The following FSHR variants were observed in gnomAD, a reference collection of about 807,000 sequenced individuals.
FSHR encodes follicle-stimulating hormone receptor.
A neutral mutation model predicts 52.1 loss-of-function variants in FSHR; 46 were observed. The observed-to-expected ratio is 0.88, with a 90% confidence interval of 0.70 to 1.13. The LOEUF (loss-of-function observed/expected upper bound fraction) is 1.13. FSHR is among the 50% of genes most tolerant of loss of function. FSHR has a pLI of 0.00. For synonymous variants in FSHR, 399 were observed against 309.6 expected (o/e 1.29, Z -3.03); for missense variants, 964 against 834.6 (o/e 1.16, Z -1.91).
At chr2:49,013,623 A>G (rs961816182) in intron 4 of FSHR, among the ~76,000 whole-genome samples, 1 of 150,750 alleles carries the variant, frequency 6.6e-6, no homozygotes, top group Non-Finnish European at 1.5e-5. Flanking sequence ...GAGGAGGAGT[A>G]CATAGCTGGG....
At position 49,020,129 on chromosome 2, in the gene FSHR, T is replaced by C; in HGVS notation, c.256A>G (p.Ile86Val). The stretch of plus-strand genomic sequence containing the variant: ...AGGTTGGAGAACACATCTGCCTCTA[T>C]CACCTCCAAGACATCATTCTGAGAG... ...EISQNDVLEVIEADVFSNLPK... is the reference protein window; with the variant it reads ...EISQNDVLEVVEADVFSNLPK... The change falls in exon 3 of 10, where the codon ATA becomes GTA. Residue 86 changes from isoleucine (I) to valine (V), a missense_variant. Coordinates refer to ENST00000406846, the MANE Select transcript of FSHR (RefSeq NM_000145.4). 1 of 1,613,806 alleles carries C rather than the reference T, an allele frequency of 6.2e-7. No homozygotes were observed. Among genetic ancestry groups the C allele is most frequent in the Non-Finnish European group, 8.5e-7 (1 of 1,179,718 alleles).
At chr2:49,021,850 T>A (rs1667715364) in intron 2 of FSHR, among the ~76,000 whole-genome samples, 1 of 34,056 alleles carries the variant, frequency 2.9e-5, no homozygotes, top group Non-Finnish European at 5.2e-5. Flanking sequence ...TCTCTCTCTC[T>A]CTCTCTCTCT....
At chr2:49,137,121 C>G (rs1672514679) in intron 1 of FSHR, among the ~76,000 whole-genome samples, 1 of 152,002 alleles carries the variant, frequency 6.6e-6, no homozygotes. Flanking sequence ...ATGGAATCCA[C>G]TAAAAAATTA....
At chr2:49,138,141 G>C (rs972838911) in intron 1 of FSHR, among the ~76,000 whole-genome samples, 1 of 152,176 alleles carries the variant, frequency 6.6e-6, no homozygotes, top group South Asian at 2.1e-4. Flanking sequence ...AGCCATCAGG[G>C]AAAGGCAAAT....
rs536713398 is a variant in FSHR, at chr2:49,017,508, G to A, written c.355C>T (p.Leu119Phe). ...TCTTACAGATATTGAAGGTTGGGAA[G>A]GTTCTGGAAGGCCTCAGGGTTGATG... ...LYINPEAFQN[L>F]PNLQYLLISN... The change falls in exon 4 of 10, where the codon CTT becomes TTT. Residue 119 changes from leucine to phenylalanine, a missense_variant. Transcript: ENST00000406846. 3 of 1,613,212 alleles carry A rather than the reference G, an allele frequency of 1.9e-6. No homozygotes were observed. The highest frequency in any genetic ancestry group is 2.2e-5 in the East Asian group (1 of 44,866).
chr2:48,984,175 G>A (rs1350295579), intron 6 of FSHR, among the ~76,000 whole-genome samples: 3 of 152,098 alleles, frequency 2.0e-5, no homozygotes, highest in Admixed American at 6.5e-5. Context: ...TAAAATCACA[G>A]GAGAACAACT....
chr2:48,968,270 T>C (rs2072489), intron 9 of FSHR, among the ~76,000 whole-genome samples: 1 of 152,230 alleles, frequency 6.6e-6, no homozygotes, highest in Non-Finnish European at 1.5e-5. Flanking sequence ...GGCAGATATG[T>C]ACATCAGTCT....
At position 48,982,917 on chromosome 2, in the gene FSHR, G is replaced by A. The variant is rs778536389; in HGVS notation, c.663C>T (p.Val221=). The change falls in exon 8 of 10, where the codon GTC becomes GTT. Residue 221 remains valine, a synonymous_variant. Transcript: ENST00000406846. ...NDVFHGASGP[V]ILDISRTRIH... ...AAATGGGGAAAGCTACTCACAGAAT[G>A]ACTGGTCCAGAGGCTCCGTGGAAAA... The A allele has an allele frequency of 1.2e-5, 20 of 1,612,812 alleles. No homozygotes were observed. The Admixed American group carries it at 2.7e-4, about 21-fold the overall frequency.
At chr2:49,069,056 G>A (rs766188623) in intron 1 of FSHR, among the ~76,000 whole-genome samples, 7 of 151,984 alleles carry the variant, frequency 4.6e-5, no homozygotes, top group Non-Finnish European at 7.4e-5. Flanking sequence ...TCTTCTGCTC[G>A]AAATAATTGT....
chr2:49,004,182 C>A (rs1298481654), intron 4 of FSHR, among the ~76,000 whole-genome samples: 1 of 152,166 alleles, frequency 6.6e-6, no homozygotes, highest in African/African-American at 2.4e-5. Context: ...TCTTAAATAT[C>A]ATTTCCACAT....
chr2:49,041,465 G>A (rs1244928752), intron 2 of FSHR, among the ~76,000 whole-genome samples: 1 of 152,136 alleles, frequency 6.6e-6, no homozygotes, highest in African/African-American at 2.4e-5. Flanking sequence ...TAATTAGGAT[G>A]GGCAGGACTG....
chr2:49,021,886 T>TATATATATAG (rs1273265515), intron 2 of FSHR, among the ~76,000 whole-genome samples: 28 of 25,106 alleles, frequency 1.1e-3, no homozygotes, highest in Non-Finnish European at 1.7e-3. Flanking sequence ...TATATATATA[T>TATATATATAG]AGAGAGAGAG....
chr2:49,026,038 C>T (rs1200590149), intron 2 of FSHR, among the ~76,000 whole-genome samples: 4 of 152,204 alleles, frequency 2.6e-5, no homozygotes. Flanking sequence ...GCCAGTGGTG[C>T]TATCCTTTCC....
At chr2:49,122,505 A>G (rs1195977176) in intron 1 of FSHR, among the ~76,000 whole-genome samples, 1 of 152,026 alleles carries the variant, frequency 6.6e-6, no homozygotes, top group Non-Finnish European at 1.5e-5. Flanking sequence ...TGTGTCTTGG[A>G]TACACTCTTT....
chr2:48,972,791 T>C lies in FSHR; in HGVS notation c.669-3908A>G, dbSNP rs1191292733. Among the ~76,000 whole-genome samples the C allele has an allele frequency of 3.3e-5, 5 of 152,324 alleles. No individual in the cohort carries two copies. The East Asian group carries it at 9.6e-4, about 29-fold the overall frequency. ...ACCATCATTGCCTCTCATGAACATT[T>C]TTCACATTTTTCAAAACGAGCAATA... On this transcript the variant is annotated intron_variant, in intron 8 of 9. Transcript: ENST00000406846.
intron 4 of FSHR, among the ~76,000 whole-genome samples, chr2:49,009,284 A>G (rs1464962082): frequency 3.3e-5 from 5 of 150,922 alleles, no homozygotes; most frequent in Admixed American, 2.6e-4. Context: ...TAAATAGGGA[A>G]TCCTTTCCCC....
chr2:48,965,219 G>A (rs1259355574), intron 9 of FSHR, among the ~76,000 whole-genome samples: 2 of 152,256 alleles, frequency 1.3e-5, no homozygotes, highest in Non-Finnish European at 2.9e-5. Flanking sequence ...CTTGCCAGGT[G>A]TTCCAACCTA....
intron 2 of FSHR, among the ~76,000 whole-genome samples, chr2:49,031,878 T>C (rs959261917): frequency 6.6e-6 from 1 of 152,208 alleles, no homozygotes; most frequent in Non-Finnish European, 1.5e-5. Context: ...GCTTAGTAAG[T>C]AGTAAAGGAA....
At chr2:49,139,561 G>A (rs1209066861) in intron 1 of FSHR, among the ~76,000 whole-genome samples, 1 of 151,564 alleles carries the variant, frequency 6.6e-6, no homozygotes, top group African/African-American at 2.4e-5. Context: ...ATGCTAAAGT[G>A]CCAGCCTTTA....
Sources: gnomAD v4.1 joint callset for allele counts (sites outside exome capture counted in the v4.1 genomes callset) on GRCh38, gnomAD v4.1.1 for gene constraint, MANE v1.5 for transcripts, NCBI Gene and HGNC (gene_info 2026-07-23, HGNC 2026-07-21) for gene names.